COMMD5: variants seen among roughly 807,000 people sequenced by gnomAD.
COMMD5 encodes COMM domain containing 5.
In COMMD5, 10 loss-of-function variants were observed where a neutral mutation model predicts 6.9. That is an observed-to-expected ratio of 1.44 (90% CI 0.89 to 2.45). COMMD5 has a LOEUF of 2.45. Ranked by LOEUF, COMMD5 falls within the 30% of genes most tolerant of loss-of-function variation. The probability of loss-of-function intolerance (pLI) is 0.00; values close to 1 mark genes in which losing one functional copy is unlikely to be tolerated. For synonymous variants in COMMD5, 127 were observed against 125.3 expected (o/e 1.01, Z -0.09); for missense variants, 234 against 287.8 (o/e 0.81, Z 1.35).
At chr8:144,848,374 G>C (rs190770331), downstream of COMMD5, among the ~76,000 whole-genome samples, 2 of 151,920 alleles carry the variant, frequency 1.3e-5, no homozygotes, top group African/African-American at 2.4e-5. Context: ...GCTCATGCCT[G>C]TAATCCCAGC....
intron 1 of COMMD5, among the ~76,000 whole-genome samples, chr8:144,844,709 C>CAAAAAAAAAAAAAAAAAAA (rs71320849): frequency 1.1e-5 from 1 of 88,618 alleles, no homozygotes; most frequent in African/African-American, 4.2e-5. Flanking sequence ...GACTCTGTAT[C>CAAAAAAAAAAAAAAAAAAA]AAAAAAAAAA....
chr8:144,851,439 T>A, intron 1 of COMMD5, 44 bp from the exon 2 acceptor site: 1 of 1,343,874 alleles, frequency 7.4e-7, no homozygotes. Flanking sequence ...TCTCACATCC[T>A]TTGGGCCAGC....
Position 144,850,531 on chromosome 8 carries a change from T to C in COMMD5, c.*133A>G. On this transcript the variant is annotated 3_prime_UTR_variant, in exon 2 of 2. Coordinates refer to ENST00000305103, the MANE Select transcript of COMMD5 (RefSeq NM_014066.4). This position sits in a 1 kb window ranked among gnomAD's most constrained non-coding sequence, Gnocchi z 4.0. ...TCAATTAAACAGAAAACTACATAAT[T>C]ACGTTCAAACACTCACTGAAGAGCC... 1 of 928,462 alleles carries C rather than the reference T, an allele frequency of 1.1e-6. No homozygotes were observed. The highest frequency in any genetic ancestry group is 1.9e-5 in the South Asian group (1 of 53,580). 57.5% of individuals were successfully genotyped at this position (928,462 alleles called of 1,614,324 possible).
downstream of COMMD5, chr8:144,838,355 A>G: frequency 1.8e-6 from 1 of 561,724 alleles, no homozygotes; most frequent in Non-Finnish European, 3.2e-6. Flanking sequence ...ACTTCAGCCT[A>G]TCTTGGGGTC....
chr8:144,843,165 A>C, intron 1 of COMMD5: 1 of 1,575,140 alleles, frequency 6.3e-7, no homozygotes, highest in Non-Finnish European at 8.6e-7. Context: ...TTCACATGGG[A>C]TAGACCACTT....
downstream of COMMD5, among the ~76,000 whole-genome samples, chr8:144,839,797 C>A (rs1357378886): frequency 1.3e-5 from 2 of 152,168 alleles, no homozygotes; most frequent in African/African-American, 4.8e-5. Flanking sequence ...AAGATATTGG[C>A]CCAGAGCAGT....
chr8:144,841,832 A>G (rs1214329076), intron 1 of COMMD5: 2 of 1,614,224 alleles, frequency 1.2e-6, no homozygotes, highest in Admixed American at 1.7e-5. Context: ...AAACATACAA[A>G]TAACTGCCAT....
chr8:144,846,391 C>T (rs950698073), downstream of COMMD5: 1 of 560,660 alleles, frequency 1.8e-6, no homozygotes, highest in African/African-American at 1.9e-5. Context: ...CATTTGAAAA[C>T]TATGTTAAAA....
chr8:144,846,311 C>A, downstream of COMMD5: 1 of 858,310 alleles, frequency 1.2e-6, no homozygotes, highest in Non-Finnish European at 1.7e-6. Context: ...GGTCCTAAGT[C>A]AGGGGCTGGC....
chr8:144,845,144 G>A (rs1830441604), intron 1 of COMMD5, among the ~76,000 whole-genome samples: 1 of 152,198 alleles, frequency 6.6e-6, no homozygotes, highest in Non-Finnish European at 1.5e-5. Flanking sequence ...CTGAAAGACT[G>A]CCAAGAACTG....
At chr8:144,844,632 C>G (rs1346107414) in intron 1 of COMMD5, among the ~76,000 whole-genome samples, 1 of 145,684 alleles carries the variant, frequency 6.9e-6, no homozygotes, top group Non-Finnish European at 1.5e-5. Flanking sequence ...TGGTGTGAAC[C>G]TGGGAGGCAG....
downstream of COMMD5, chr8:144,847,614 C>G (rs1830576456): frequency 6.6e-6 from 1 of 152,150 alleles, no homozygotes; most frequent in African/African-American, 2.4e-5. Context: ...TGAAGCAGAG[C>G]AAGGGCCGGG....
downstream of COMMD5, among the ~76,000 whole-genome samples, chr8:144,849,302 G>C (rs1173449864): frequency 6.6e-6 from 1 of 152,156 alleles, no homozygotes; most frequent in Admixed American, 6.5e-5. Context: ...GTGAGGGTGG[G>C]ACAAAGCTGA....
upstream of COMMD5, chr8:144,853,467 G>C (rs1830844582): frequency 6.6e-6 from 1 of 152,306 alleles, no homozygotes; most frequent in South Asian, 2.1e-4. Context: ...GAGCCGAGCG[G>C]GCGTCCCTGT....
chr8:144,843,793 T>C (rs1166241986), intron 1 of COMMD5: 1 of 152,106 alleles, frequency 6.6e-6, no homozygotes, highest in East Asian at 1.9e-4. Context: ...GTTAAAATAA[T>C]TTACCTAAAC....
At chr8:144,842,124 T>TG in intron 1 of COMMD5, 12 of 1,614,116 alleles carry the variant, frequency 7.4e-6, no homozygotes, top group Non-Finnish European at 9.3e-6. Flanking sequence ...GTCGTGAGTG[T>TG]GGGAAAGCCT....
Position 144,851,396 on chromosome 8 carries a change from C to G in COMMD5, c.-57-1G>C. 6.4e-7 allele frequency: 1 copy of G among 1,550,530 alleles called. No homozygotes were observed. The highest frequency in any genetic ancestry group is 1.2e-5 in the South Asian group (1 of 81,990). ...GGAGGTCGGTCCCAGATGCAGATGC[C>G]TAGAGTGGGGTGGAGGAGAGAAGAC... On this transcript the variant is annotated splice_acceptor_variant, in intron 1 of 1. Coordinates refer to ENST00000305103, the MANE Select transcript of COMMD5 (RefSeq NM_014066.4). LOFTEE classifies it low-confidence loss of function (5UTR_SPLICE).
downstream of COMMD5, among the ~76,000 whole-genome samples, chr8:144,848,291 G>A (rs1281234780): frequency 6.6e-6 from 1 of 151,752 alleles, no homozygotes. Flanking sequence ...GGATGATGGG[G>A]AGACCTTGTC....
downstream of COMMD5, chr8:144,838,334 T>C: frequency 1.7e-6 from 1 of 572,592 alleles, no homozygotes; most frequent in African/African-American, 1.9e-5. Context: ...TCTGAGGTGC[T>C]TCAAGTTAGG....
Sources: allele counts gnomAD v4.1 joint callset (sites outside exome capture counted in the v4.1 genomes callset), GRCh38; gene constraint gnomAD v4.1.1; non-coding constraint Gnocchi (gnomAD v3.1); transcripts MANE v1.5; gene names NCBI Gene and HGNC (gene_info 2026-07-23, HGNC 2026-07-21).